Variants in BTBD9 observed in about 807,000 individuals in gnomAD.
BTBD9 encodes the protein BTB/POZ domain-containing protein 9.
Under a neutral mutation model 64.3 loss-of-function variants are expected in BTBD9, and 49 were observed. The observed-to-expected ratio is 0.76, with a 90% CI of 0.61 to 0.97. The LOEUF (loss-of-function observed/expected upper bound fraction) is 0.97, where lower values mean the gene tolerates loss of function less well. Ranked by LOEUF, BTBD9 falls within the 50% of genes least tolerant of loss-of-function variation. The pLI, the probability that BTBD9 is intolerant of heterozygous loss-of-function variation, is 0.00. For synonymous variants in BTBD9, 260 were observed against 274.7 expected (o/e 0.95, Z 0.53); for missense variants, 598 against 762.1 (o/e 0.78, Z 2.53).
chr6:38,189,677 T>C (rs567348932), intron 10 of BTBD9, among the ~76,000 whole-genome samples: 210 of 151,714 alleles, frequency 1.4e-3, no homozygotes, highest in African/African-American at 4.2e-3. Flanking sequence ...TTCTTTCTTT[T>C]TTTTTTTTCT....
intron 7 of BTBD9, among the ~76,000 whole-genome samples, chr6:38,330,887 T>C (rs960783528): frequency 6.6e-6 from 1 of 152,156 alleles, no homozygotes; most frequent in Non-Finnish European, 1.5e-5. Flanking sequence ...AAATGTTAAA[T>C]GGAGTAAAGA....
chr6:38,540,096 A>G (rs1413833004), intron 6 of BTBD9, among the ~76,000 whole-genome samples: 1 of 152,208 alleles, frequency 6.6e-6, no homozygotes, highest in East Asian at 1.9e-4. Flanking sequence ...CCAAATTTTA[A>G]AATGGGGCTG....
Position 38,246,464 on chromosome 6 carries a change from G to A in BTBD9, c.1562+9945C>T, listed in dbSNP as rs561606824. On this transcript the variant is annotated intron_variant, in intron 9 of 10. Transcript: ENST00000481247. ...AGACTTGGCGCACGTGCACGTACGTGTGTGTGTGTGTGTATTGTCTAAAAT... is the reference window on the plus strand; with the variant it reads ...AGACTTGGCGCACGTGCACGTACGTATGTGTGTGTGTGTATTGTCTAAAAT... Among the ~76,000 whole-genome samples, 10 of 151,400 alleles carry A rather than the reference G, an allele frequency of 6.6e-5. No individual in the cohort carries two copies. In the South Asian group the frequency reaches 2.1e-3, roughly 32 times the overall value.
intron 6 of BTBD9, among the ~76,000 whole-genome samples, chr6:38,363,611 C>T (rs1765064044): frequency 1.3e-5 from 2 of 152,082 alleles, no homozygotes; most frequent in Non-Finnish European, 2.9e-5. Context: ...GAAGAGCTTG[C>T]ATGTAATACA....
chr6:38,176,241 C>A (rs1231034645), intron 10 of BTBD9, among the ~76,000 whole-genome samples: 2 of 152,250 alleles, frequency 1.3e-5, no homozygotes, highest in Non-Finnish European at 2.9e-5. Context: ...ACCGTAGAAT[C>A]AAGTTCACAG....
At chr6:38,638,173 A>G (rs1778593409) in intron 1 of BTBD9, among the ~76,000 whole-genome samples, 1 of 152,184 alleles carries the variant, frequency 6.6e-6, no homozygotes, top group African/African-American at 2.4e-5. Flanking sequence ...CTCAGCCTAC[A>G]CATCCTATCT....
At chr6:38,322,047 G>A (rs1001502201) in intron 7 of BTBD9, among the ~76,000 whole-genome samples, 1 of 151,748 alleles carries the variant, frequency 6.6e-6, no homozygotes, top group African/African-American at 2.4e-5. Flanking sequence ...GAGACAAAAT[G>A]GTAGTTTTAC....
At chr6:38,587,391 A>T in intron 4 of BTBD9, 1 of 491,518 alleles carries the variant, frequency 2.0e-6, no homozygotes, top group Non-Finnish European at 4.0e-6. Flanking sequence ...ATATTCCAAA[A>T]ATTCCTATTC....
At chr6:38,595,972 T>C (rs1181658172) in intron 2 of BTBD9, 3 of 985,322 alleles carry the variant, frequency 3.0e-6, no homozygotes, top group African/African-American at 1.7e-5. Context: ...TGAGGCTCCC[T>C]TGGAACAATA....
At chr6:38,433,847 AC>A (rs1475094737) in intron 6 of BTBD9, among the ~76,000 whole-genome samples, 1 of 151,960 alleles carries the variant, frequency 6.6e-6, no homozygotes, top group African/African-American at 2.4e-5. Context: ...TTCCATAACA[AC>A]AGAGACCATG....
chr6:38,587,049 G>A (rs1464795045), intron 4 of BTBD9, among the ~76,000 whole-genome samples: 1 of 150,808 alleles, frequency 6.6e-6, no homozygotes. Context: ...GGTGACAAGA[G>A]TGAGACTCCA....
intron 6 of BTBD9, among the ~76,000 whole-genome samples, chr6:38,356,191 T>C (rs1764723005): frequency 6.6e-6 from 1 of 152,180 alleles, no homozygotes. Context: ...CGTGACTTGC[T>C]GTGGGTCTAT....
chr6:38,577,572 A>T, intron 6 of BTBD9, 28 bp downstream of exon 6: 2 of 1,578,350 alleles, frequency 1.3e-6, no homozygotes, highest in Non-Finnish European at 1.7e-6. Flanking sequence ...TAAGAATAAA[A>T]ATCATTTATT....
intron 6 of BTBD9, among the ~76,000 whole-genome samples, chr6:38,474,260 G>A (rs935463057): frequency 6.6e-5 from 10 of 152,230 alleles, no homozygotes; most frequent in Admixed American, 1.3e-4. Flanking sequence ...GTGGTAGCTC[G>A]TAACTGTAAT....
intron 6 of BTBD9, among the ~76,000 whole-genome samples, chr6:38,487,088 A>AT (rs1190895643): frequency 1.7e-4 from 26 of 152,300 alleles, no homozygotes; most frequent in African/African-American, 5.3e-4. Flanking sequence ...ATTCTAACAT[A>AT]TTTTCAGGAA....
At chr6:38,351,713 A>C (rs1764522323) in intron 6 of BTBD9, among the ~76,000 whole-genome samples, 1 of 151,742 alleles carries the variant, frequency 6.6e-6, no homozygotes, top group African/African-American at 2.4e-5. Flanking sequence ...GTTAGCCAGT[A>C]TGGTCTCGAT....
At chr6:38,175,223 G>C in intron 10 of BTBD9, 41 bp from the exon 11 acceptor site, 1 of 1,606,102 alleles carries the variant, frequency 6.2e-7, no homozygotes, top group African/African-American at 1.3e-5. Context: ...TGAAGGGTCA[G>C]CATGCGGCCC....
intron 6 of BTBD9, among the ~76,000 whole-genome samples, chr6:38,470,649 C>T (rs1770607775): frequency 3.3e-5 from 5 of 152,214 alleles, no homozygotes; most frequent in African/African-American, 1.2e-4. Context: ...CTAAGTCAAA[C>T]AACCAACAAG....
intron 6 of BTBD9, among the ~76,000 whole-genome samples, chr6:38,526,914 C>T (rs1773522297): frequency 6.6e-6 from 1 of 152,120 alleles, no homozygotes; most frequent in Admixed American, 6.5e-5. Context: ...GGACTATGGA[C>T]TTTTCAGTTA....
Sources: allele counts gnomAD v4.1 joint callset (sites outside exome capture counted in the v4.1 genomes callset), GRCh38; gene constraint gnomAD v4.1.1; transcripts MANE v1.5; gene names NCBI Gene and HGNC (gene_info 2026-07-23, HGNC 2026-07-21).